The following KCNIP4 variants were observed in gnomAD, a reference collection of about 807,000 sequenced individuals.
KCNIP4 encodes the protein Kv channel-interacting protein 4.
A neutral mutation model predicts 34.0 loss-of-function variants in KCNIP4; 12 were observed. The ratio of observed to expected loss-of-function variants is 0.35; its 90% CI spans 0.23 to 0.57. KCNIP4 has a LOEUF of 0.57. KCNIP4 is among the 20% of genes least tolerant of loss of function. The pLI is 0.83. For synonymous variants in KCNIP4, 124 were observed against 102.2 expected (o/e 1.21, Z -1.29); for missense variants, 238 against 311.7 (o/e 0.76, Z 1.78).
intron 1 of KCNIP4, among the ~76,000 whole-genome samples, chr4:21,266,963 C>T (rs546551690): frequency 6.6e-5 from 10 of 152,226 alleles, no homozygotes; most frequent in Middle Eastern, 3.4e-3. Flanking sequence ...GGGCTAGTCA[C>T]GTAGTCTATG....
At chr4:21,151,436 C>CTTTTTTTTTTTTTTTTTTT (rs1752753868) in intron 1 of KCNIP4, among the ~76,000 whole-genome samples, 1 of 38,922 alleles carries the variant, frequency 2.6e-5, no homozygotes, top group African/African-American at 1.1e-4. Flanking sequence ...TTTTTTTTTG[C>CTTTTTTTTTTTTTTTTTTT]TGTTCTGGAG....
chr4:20,882,541 G>T, intron 2 of KCNIP4, 67 bp downstream of exon 2: 2 of 1,039,428 alleles, frequency 1.9e-6, no homozygotes, highest in South Asian at 1.3e-5. Context: ...GAACGGCAAT[G>T]CATGCAGGCC....
rs1044185331 is a variant in KCNIP4, at chr4:20,812,937, G to C, written c.288+37606C>G. Among the ~76,000 whole-genome samples the C allele has an allele frequency of 1.8e-4, 12 of 68,030 alleles. 1 individual carries two copies. Among genetic ancestry groups the C allele is most frequent in the African/African-American group, 5.4e-4 (12 of 22,420 alleles). The allele number at this position is 68,030 out of a possible 152,430, so 44.6% of individuals were successfully genotyped here. On this transcript the variant is annotated intron_variant, in intron 3 of 8. Transcript: ENST00000382152. ...TCCAATTTCTTGTTTGTGTGTGAGT[G>C]TGTGTGTGTGTGTGTGTAATCAAAC...
chr4:21,925,551 T>G (rs982549776), intron 1 of KCNIP4, among the ~76,000 whole-genome samples: 2 of 152,092 alleles, frequency 1.3e-5, no homozygotes, highest in Admixed American at 6.6e-5. Flanking sequence ...CAGATGTCAT[T>G]TCTTTTTCAT....
At chr4:21,142,656 C>A (rs1237385711) in intron 1 of KCNIP4, among the ~76,000 whole-genome samples, 1 of 152,158 alleles carries the variant, frequency 6.6e-6, no homozygotes, top group African/African-American at 2.4e-5. Flanking sequence ...GTCTCCCGCC[C>A]TTGCCTTCCT....
At chr4:21,407,757 C>T (rs773670634) in intron 1 of KCNIP4, among the ~76,000 whole-genome samples, 1 of 152,084 alleles carries the variant, frequency 6.6e-6, no homozygotes, top group Non-Finnish European at 1.5e-5. Flanking sequence ...TTATTTTAGT[C>T]AGATAATCTA....
chr4:21,020,144 A>G (rs1287245532), intron 1 of KCNIP4, among the ~76,000 whole-genome samples: 1 of 152,164 alleles, frequency 6.6e-6, no homozygotes, highest in Non-Finnish European at 1.5e-5. Flanking sequence ...TAGCCCTTAA[A>G]AGCTTTTAAA....
At chr4:21,093,934 T>A (rs1478618358) in intron 1 of KCNIP4, among the ~76,000 whole-genome samples, 1 of 151,834 alleles carries the variant, frequency 6.6e-6, no homozygotes, top group Non-Finnish European at 1.5e-5. Context: ...TACAAAAAAT[T>A]AGCCAGGCGT....
intron 3 of KCNIP4, among the ~76,000 whole-genome samples, chr4:20,842,190 G>C (rs1021637745): frequency 1.3e-5 from 2 of 152,090 alleles, no homozygotes; most frequent in Non-Finnish European, 2.9e-5. Context: ...TGATGAGCCT[G>C]AACTCAGCAC....
chr4:21,656,449 C>T (rs551813964), intron 1 of KCNIP4: 6 of 152,194 alleles, frequency 3.9e-5, no homozygotes, highest in Non-Finnish European at 7.3e-5. Context: ...AATTCAACTG[C>T]TAACAGTCTC....
chr4:21,891,823 A>G lies in KCNIP4; in HGVS notation c.61+56748T>C, dbSNP rs146426248. 2.1e-3 allele frequency among the ~76,000 whole-genome samples: 327 copies of G among 152,214 alleles called. 1 individual carries two copies. The highest frequency in any genetic ancestry group is 4.2e-3 in the Non-Finnish European group (287 of 67,992). On this transcript the variant is annotated intron_variant, in intron 1 of 8. Coordinates refer to ENST00000382152, the MANE Select transcript of KCNIP4 (RefSeq NM_025221.6). ...GAAAGTTGTCCCTTTAAATCAAAGC[A>G]CTATCCTTAGAAATAAATTAGGAAT...
intron 1 of KCNIP4, among the ~76,000 whole-genome samples, chr4:20,946,586 C>A (rs866568075): frequency 1.3e-5 from 2 of 152,116 alleles, no homozygotes; most frequent in African/African-American, 4.8e-5. Flanking sequence ...AATCTCAGCA[C>A]GCAGCACAGG....
rs1759108932 is a variant in KCNIP4, at chr4:21,234,225, C to CATATATAACATATATATAACATATATT, written c.62-351543_62-351517dup. On this transcript the variant is annotated intron_variant, in intron 1 of 8. Transcript: ENST00000382152. ...CATATATAACGTATATTATATATAA[C>CATATATAACATATATATAACATATATT]ATATATAACATATATATAACATATA... Among the ~76,000 whole-genome samples the CATATATAACATATATATAACATATATT allele has an allele frequency of 5.1e-5, 2 of 39,174 alleles. 1 individual carries two copies. Among genetic ancestry groups the CATATATAACATATATATAACATATATT allele is most frequent in the Non-Finnish European group, 8.3e-5 (2 of 24,022 alleles). The allele number at this position is 39,174 out of a possible 152,430, so 25.7% of individuals were successfully genotyped here. A position where few individuals can be genotyped will look rare whatever the true frequency, so the allele number is the denominator to read the frequency against.
chr4:21,892,063 C>T (rs1053724201), intron 1 of KCNIP4, among the ~76,000 whole-genome samples: 5 of 152,070 alleles, frequency 3.3e-5, no homozygotes, highest in East Asian at 1.9e-4. Flanking sequence ...AATAGAAATA[C>T]GTACATGCTT....
rs148685696 is a variant in KCNIP4, at chr4:21,489,369, A to C, written c.61+459202T>G. On this transcript the variant is annotated intron_variant, in intron 1 of 8. Transcript: ENST00000382152. ...TCCAGCACTAAATCAATACCCTTCCAATTGAATAGGAAGTAGGGCCTTGCC... is the reference window on the plus strand; with the variant it reads ...TCCAGCACTAAATCAATACCCTTCCCATTGAATAGGAAGTAGGGCCTTGCC... Among the ~76,000 whole-genome samples the C allele has an allele frequency of 5.7e-3, 868 of 151,394 alleles. 6 individuals are homozygous for C. The highest frequency in any genetic ancestry group is 9.0e-3 in the Non-Finnish European group (610 of 67,824).
chr4:20,934,864 G>C (rs1415258714), intron 1 of KCNIP4, among the ~76,000 whole-genome samples: 1 of 152,160 alleles, frequency 6.6e-6, no homozygotes, highest in African/African-American at 2.4e-5. Flanking sequence ...AGCCCTGGAG[G>C]CTGGAAGTCT....
At chr4:21,936,786 T>C (rs950325432) in intron 1 of KCNIP4, among the ~76,000 whole-genome samples, 1 of 152,094 alleles carries the variant, frequency 6.6e-6, no homozygotes, top group African/African-American at 2.4e-5. Context: ...TAGCCAGCTC[T>C]GGATTTTTAA....
At chr4:21,467,193 G>A (rs1730057127) in intron 1 of KCNIP4, among the ~76,000 whole-genome samples, 1 of 151,612 alleles carries the variant, frequency 6.6e-6, no homozygotes, top group South Asian at 2.1e-4. Context: ...TACTTCTTAA[G>A]GATTGTTAAC....
chr4:20,737,273 C>G (rs1230754140), intron 5 of KCNIP4, among the ~76,000 whole-genome samples: 1 of 144,562 alleles, frequency 6.9e-6, no homozygotes, highest in Non-Finnish European at 1.5e-5. Context: ...AGAGCATTTC[C>G]CTAGGAAAGG....
Sources: gnomAD v4.1 joint callset for allele counts (sites outside exome capture counted in the v4.1 genomes callset) on GRCh38, gnomAD v4.1.1 for gene constraint, MANE v1.5 for transcripts, NCBI Gene and HGNC (gene_info 2026-07-23, HGNC 2026-07-21) for gene names.